Variants in SV2C observed in about 807,000 individuals in gnomAD.
SV2C encodes solute carrier family 22 member B3.
In SV2C, 49 loss-of-function variants were observed where a neutral mutation model predicts 79.7. The ratio of observed to expected loss-of-function variants is 0.61; its 90% CI spans 0.49 to 0.78. The LOEUF (loss-of-function observed/expected upper bound fraction) is 0.78, where lower values mean the gene tolerates loss of function less well. Among genes scored for constraint, SV2C ranks in the 30% least tolerant of loss-of-function variants. SV2C has a pLI of 0.00. For synonymous variants in SV2C, 334 were observed against 333.2 expected (o/e 1.00, Z -0.03); for missense variants, 833 against 912.9 (o/e 0.91, Z 1.13).
At chr5:75,888,347 T>A in the SV2C span, among the ~76,000 whole-genome samples, 1 of 114,710 alleles carries the variant, frequency 8.7e-6, no homozygotes, top group African/African-American at 4.4e-5. Context: ...AAAAAAAATT[T>A]TTTTTTTGAA....
the SV2C span, among the ~76,000 whole-genome samples, chr5:76,029,655 T>A: frequency 2.0e-5 from 3 of 152,220 alleles, no homozygotes; most frequent in Non-Finnish European, 2.9e-5. Flanking sequence ...TATTAGAAAG[T>A]CTCTAGCCAT....
At chr5:76,281,304 G>C in intron 4 of SV2C, 1 of 468,360 alleles carries the variant, frequency 2.1e-6, no homozygotes. Context: ...GAACTTAATG[G>C]AACGATTCTA....
the SV2C span, among the ~76,000 whole-genome samples, chr5:76,068,734 G>A: frequency 6.6e-6 from 1 of 152,116 alleles, no homozygotes; most frequent in East Asian, 1.9e-4. Context: ...AGCTATATAA[G>A]AGGACAAAAT....
At chr5:75,947,536 G>A in the SV2C span, among the ~76,000 whole-genome samples, 13,860 of 151,790 alleles carry the variant, frequency 0.091, 1,242 homozygotes, top group African/African-American at 0.23. Flanking sequence ...CTTCTACTCA[G>A]GCTTTGCTGG....
chr5:75,929,986 A>C, the SV2C span, among the ~76,000 whole-genome samples: 8 of 152,182 alleles, frequency 5.3e-5, no homozygotes, highest in African/African-American at 1.9e-4. Context: ...TGTTTATGGA[A>C]ATGTCTTCAA....
chr5:75,997,248 G>T, the SV2C span, among the ~76,000 whole-genome samples: 2 of 152,068 alleles, frequency 1.3e-5, no homozygotes, highest in Non-Finnish European at 2.9e-5. Context: ...TAATCATGTG[G>T]TTTTTGTCAT....
In SV2C at chr5:76,093,752, G is replaced by A. The variant is rs111968183; in HGVS notation, c.-102+10240G>A. ...TCCCTCTCTCTGTACTAAATATTCT[G>A]AATTCTTATCACAAGGCCAAGAAAC... On this transcript the variant is annotated intron_variant, in intron 1 of 12. Coordinates refer to ENST00000502798, the MANE Select transcript of SV2C (RefSeq NM_014979.4). Among the ~76,000 whole-genome samples, 1,114 of 152,258 alleles carry A rather than the reference G, an allele frequency of 7.3e-3. 9 individuals carry two copies. Among genetic ancestry groups the A allele is most frequent in the African/African-American group, 0.026 (1,059 of 41,522 alleles).
the SV2C span, among the ~76,000 whole-genome samples, chr5:75,944,024 C>A: frequency 6.6e-6 from 1 of 152,246 alleles, no homozygotes; most frequent in Non-Finnish European, 1.5e-5. Context: ...ATAACTAATT[C>A]TATTTTTTTA....
chr5:76,274,896 C>CT (rs1396767940), intron 4 of SV2C, among the ~76,000 whole-genome samples: 2 of 152,054 alleles, frequency 1.3e-5, no homozygotes, highest in Non-Finnish European at 2.9e-5. Flanking sequence ...AATTTTATAT[C>CT]TGTAGGAACA....
chr5:76,299,162 A>T (rs1747891654), intron 10 of SV2C, among the ~76,000 whole-genome samples: 1 of 152,268 alleles, frequency 6.6e-6, no homozygotes, highest in South Asian at 2.1e-4. Context: ...ACAACAAAAA[A>T]ATCCTTTGAT....
Position 76,325,631 on chromosome 5 carries a change from C to G in SV2C, c.*84C>G. 1 of 1,549,012 alleles carries G rather than the reference C, an allele frequency of 6.5e-7. No individual in the cohort carries two copies. The highest frequency in any genetic ancestry group is 8.7e-7 in the Non-Finnish European group (1 of 1,151,084). On this transcript the variant is annotated 3_prime_UTR_variant, in exon 13 of 13. Coordinates refer to ENST00000502798, the MANE Select transcript of SV2C (RefSeq NM_014979.4). ...CCTGACTCAAGGCTTCAGAGTTTTC[C>G]TATATAGAAAGGTGATCAAGTATCA...
At chr5:76,174,157 A>C (rs1405261360) in intron 2 of SV2C, 1 of 1,612,628 alleles carries the variant, frequency 6.2e-7, no homozygotes, top group Non-Finnish European at 8.5e-7. Context: ...CTCGTGAGCC[A>C]AGAACGACTA....
the SV2C span, among the ~76,000 whole-genome samples, chr5:76,049,889 A>G: frequency 6.6e-6 from 1 of 152,250 alleles, no homozygotes; most frequent in Non-Finnish European, 1.5e-5. Context: ...CTACTAAAAC[A>G]AAACAAAATT....
intron 1 of SV2C, among the ~76,000 whole-genome samples, chr5:76,100,362 A>G (rs1747698835): frequency 6.6e-6 from 1 of 152,134 alleles, no homozygotes; most frequent in Non-Finnish European, 1.5e-5. Flanking sequence ...CTTAAAGAGC[A>G]CTCTTTCCTA....
chr5:76,163,524 C>T (rs1301412768), intron 2 of SV2C, among the ~76,000 whole-genome samples: 1 of 152,178 alleles, frequency 6.6e-6, no homozygotes, highest in East Asian at 1.9e-4. Context: ...GGTGCTGTCA[C>T]ACCAGCTAGT....
intron 2 of SV2C, among the ~76,000 whole-genome samples, chr5:76,172,075 C>A (rs1743300680): frequency 1.5e-5 from 1 of 66,502 alleles, no homozygotes; most frequent in South Asian, 6.0e-4. Flanking sequence ...AGTGAGGAGC[C>A]CCTCTGCCCG....
chr5:75,989,967 C>A, the SV2C span, among the ~76,000 whole-genome samples: 2 of 107,364 alleles, frequency 1.9e-5, no homozygotes, highest in Non-Finnish European at 3.8e-5. Flanking sequence ...TGTCCTTGGC[C>A]CCCTTTTTAA....
At chr5:76,100,193 A>G (rs555698616) in intron 1 of SV2C, among the ~76,000 whole-genome samples, 3 of 152,338 alleles carry the variant, frequency 2.0e-5, no homozygotes, top group African/African-American at 7.2e-5. Context: ...CTGGAGGTCC[A>G]GTTTGGCGAC....
the SV2C span, among the ~76,000 whole-genome samples, chr5:75,964,077 G>T: frequency 6.6e-6 from 1 of 151,976 alleles, no homozygotes; most frequent in African/African-American, 2.4e-5. Flanking sequence ...ATTGTTTAAG[G>T]TCCTTCTGTC....
Sources: gnomAD v4.1 joint callset for allele counts (sites outside exome capture counted in the v4.1 genomes callset) on GRCh38, gnomAD v4.1.1 for gene constraint, MANE v1.5 for transcripts, NCBI Gene and HGNC (gene_info 2026-07-23, HGNC 2026-07-21) for gene names.